The following ACVR1 variants were observed in gnomAD, a reference collection of about 807,000 sequenced individuals.
ACVR1 encodes the protein activin receptor type-1.
A neutral mutation model predicts 57.1 loss-of-function variants in ACVR1; 38 were observed. The observed-to-expected ratio is 0.67, with a 90% CI of 0.51 to 0.87. ACVR1 has a LOEUF of 0.87. Among genes scored for constraint, ACVR1 ranks in the 40% least tolerant of loss-of-function variants. ACVR1 has a pLI of 0.00. For synonymous variants in ACVR1, 212 were observed against 228.1 expected (o/e 0.93, Z 0.63); for missense variants, 463 against 638.2 (o/e 0.73, Z 2.96).
intron 1 of ACVR1, among the ~76,000 whole-genome samples, chr2:157,830,488 T>C (rs1688543797): frequency 2.0e-5 from 3 of 152,176 alleles, no homozygotes; most frequent in African/African-American, 7.2e-5. Context: ...GTTTCTGATT[T>C]CATACAAAAA....
At chr2:157,807,912 C>CTCTT (rs1378286696) in intron 2 of ACVR1, among the ~76,000 whole-genome samples, 5 of 142,036 alleles carry the variant, frequency 3.5e-5, no homozygotes, top group African/African-American at 1.0e-4. Context: ...GTACATTTCT[C>CTCTT]TCTTTCTCTC....
At chr2:157,786,032 G>C (rs1050709807) in intron 3 of ACVR1, among the ~76,000 whole-genome samples, 2 of 152,110 alleles carry the variant, frequency 1.3e-5, no homozygotes, top group African/African-American at 2.4e-5. Context: ...GGGATCTCAG[G>C]TCCTTTTAAG....
intron 3 of ACVR1, among the ~76,000 whole-genome samples, chr2:157,781,164 C>G (rs999298901): frequency 4.1e-4 from 63 of 152,226 alleles, no homozygotes; most frequent in African/African-American, 1.5e-3. Context: ...ATGTTTGAGA[C>G]CAGAAAAGTT....
intron 2 of ACVR1, among the ~76,000 whole-genome samples, chr2:157,810,017 AC>A (rs986981648): frequency 5.3e-5 from 8 of 152,284 alleles, no homozygotes; most frequent in African/African-American, 1.9e-4. Context: ...TCAAGGTTAC[AC>A]TGAGCTATGA....
intron 1 of ACVR1, among the ~76,000 whole-genome samples, chr2:157,863,359 TTTTTTTTTG>T (rs1689800715): frequency 8.1e-6 from 1 of 123,290 alleles, no homozygotes; most frequent in Non-Finnish European, 1.7e-5. Context: ...TTTTTTTTTT[TTTTTTTTTG>T]CTACTCTACA....
intron 3 of ACVR1, chr2:157,789,998 T>C (rs1341688169): frequency 2.0e-5 from 3 of 152,268 alleles, no homozygotes; most frequent in African/African-American, 7.2e-5. Flanking sequence ...ACGTAGCCAG[T>C]GTGGCCACCC....
chr2:157,825,464 C>T (rs577172589), intron 1 of ACVR1, among the ~76,000 whole-genome samples: 1 of 152,190 alleles, frequency 6.6e-6, no homozygotes, highest in African/African-American at 2.4e-5. Context: ...GTTAGGAACC[C>T]GGCCGCACAG....
At chr2:157,849,593 T>C (rs1232283447) in intron 1 of ACVR1, among the ~76,000 whole-genome samples, 3 of 152,228 alleles carry the variant, frequency 2.0e-5, no homozygotes, top group African/African-American at 7.2e-5. Context: ...AAACTGTCAA[T>C]TTAAGAACTT....
chr2:157,834,444 G>A (rs760361410), intron 1 of ACVR1, among the ~76,000 whole-genome samples: 21 of 152,012 alleles, frequency 1.4e-4, no homozygotes, highest in Non-Finnish European at 2.2e-4. Context: ...ACAGAAGTAG[G>A]GGCATTCCAG....
intron 3 of ACVR1, among the ~76,000 whole-genome samples, chr2:157,796,327 G>A (rs1687119357): frequency 6.6e-6 from 1 of 152,088 alleles, no homozygotes; most frequent in Non-Finnish European, 1.5e-5. Flanking sequence ...CGAGGTGGGT[G>A]GATCACTTGA....
chr2:157,873,280 C>T (rs916119904), intron 1 of ACVR1, among the ~76,000 whole-genome samples: 7 of 152,144 alleles, frequency 4.6e-5, no homozygotes, highest in African/African-American at 1.7e-4. Context: ...TTTGCCAAGC[C>T]TCAATTTCTT....
At chr2:157,746,397 A>G (rs1487882980) in intron 9 of ACVR1, among the ~76,000 whole-genome samples, 1 of 152,214 alleles carries the variant, frequency 6.6e-6, no homozygotes, top group African/African-American at 2.4e-5. Flanking sequence ...CTGGAATGTT[A>G]GTGATTCCAC....
intron 9 of ACVR1, among the ~76,000 whole-genome samples, chr2:157,756,992 A>C (rs1252493662): frequency 7.1e-6 from 1 of 139,928 alleles, no homozygotes; most frequent in Non-Finnish European, 1.5e-5. Context: ...TATATTTGAG[A>C]TATATATATT....
At chr2:157,847,595 G>A (rs1356076020) in intron 1 of ACVR1, among the ~76,000 whole-genome samples, 1 of 152,144 alleles carries the variant, frequency 6.6e-6, no homozygotes, top group Non-Finnish European at 1.5e-5. Flanking sequence ...GTTTGATATT[G>A]AATGTTCCGT....
chr2:157,779,939 G>A lies in ACVR1; in HGVS notation c.331+398C>T, dbSNP rs145828424. ...AGGCATTCCACTCAGTCACCAGTCC[G>A]TTCTGTTTTCCTCCCTACACACTTG... On this transcript the variant is annotated intron_variant, in intron 4 of 10. Coordinates refer to ENST00000434821, the MANE Select transcript of ACVR1 (RefSeq NM_001111067.4). 1.2e-3 allele frequency among the ~76,000 whole-genome samples: 177 copies of A among 152,208 alleles called. 1 individual carries two copies. In the East Asian group the frequency reaches 0.027, roughly 24 times the overall value.
chr2:157,793,795 TC>T (rs1037668186), intron 3 of ACVR1, among the ~76,000 whole-genome samples: 5 of 152,042 alleles, frequency 3.3e-5, no homozygotes, highest in Non-Finnish European at 5.9e-5. Flanking sequence ...ATTCTATTCT[TC>T]CCCCCAGCAG....
intron 1 of ACVR1, among the ~76,000 whole-genome samples, chr2:157,842,574 TAGA>T (rs1689014852): frequency 1.3e-5 from 2 of 152,164 alleles, no homozygotes; most frequent in Admixed American, 1.3e-4. Context: ...CTCCAAATCT[TAGA>T]AGATTTCCTC....
In ACVR1 at chr2:157,875,779, C is replaced by G. The variant is rs1464124908; in HGVS notation, c.-183+17G>C. On this transcript the variant is annotated intron_variant, in intron 1 of 10. Transcript: ENST00000434821. ...TCCTCCCGGCTCCAGCAGGCGCGGC[C>G]GGCGACCTGCGCTCACCTCGGGTCC... 1 of 151,976 alleles carries G rather than the reference C, an allele frequency of 6.6e-6. No individual in the cohort carries two copies. Among genetic ancestry groups the G allele is most frequent in the African/African-American group, 2.4e-5 (1 of 41,396 alleles). 9.4% of individuals were successfully genotyped at this position (151,976 alleles called of 1,614,324 possible). A position where few individuals can be genotyped will look rare whatever the true frequency, so the allele number is the denominator to read the frequency against.
chr2:157,815,003 G>A (rs1451274529), intron 2 of ACVR1, among the ~76,000 whole-genome samples: 2 of 152,110 alleles, frequency 1.3e-5, no homozygotes, highest in African/African-American at 4.8e-5. Context: ...GCAGGAGAAT[G>A]TCGTGAACCC....
Sources: allele counts gnomAD v4.1 joint callset (sites outside exome capture counted in the v4.1 genomes callset), GRCh38; gene constraint gnomAD v4.1.1; transcripts MANE v1.5; gene names NCBI Gene and HGNC (gene_info 2026-07-23, HGNC 2026-07-21).